The following ATP8A2 variants were observed in gnomAD, a reference collection of about 807,000 sequenced individuals.
The protein encoded by ATP8A2 is phospholipid-transporting ATPase IB.
A neutral mutation model predicts 165.6 loss-of-function variants in ATP8A2; 100 were observed. The observed-to-expected ratio is 0.60, with a 90% CI of 0.51 to 0.71. ATP8A2 has a LOEUF of 0.71. Ranked by LOEUF, ATP8A2 falls within the 30% of genes least tolerant of loss-of-function variation. The pLI is 0.00. For missense variants in ATP8A2, 1,227 were observed against 1,479.5 expected (o/e 0.83, Z 2.80); for synonymous variants, 543 against 548.8 (o/e 0.99, Z 0.15).
chr13:25,974,054 AT>A (rs888874267), intron 35 of ATP8A2, among the ~76,000 whole-genome samples: 2 of 152,138 alleles, frequency 1.3e-5, no homozygotes, highest in Non-Finnish European at 2.9e-5. Context: ...TTCCAGCTGC[AT>A]TTTTTTTCCT....
chr13:26,005,032 T>C (rs993621940), intron 35 of ATP8A2, among the ~76,000 whole-genome samples: 1 of 152,058 alleles, frequency 6.6e-6, no homozygotes, highest in African/African-American at 2.4e-5. Context: ...TCCACTTCAG[T>C]ATTTTGGAAA....
At chr13:25,465,707 CT>C (rs1191435557) in intron 1 of ATP8A2, among the ~76,000 whole-genome samples, 1 of 22,824 alleles carries the variant, frequency 4.4e-5, no homozygotes, top group African/African-American at 1.2e-4. Flanking sequence ...TTCTTTCTTT[CT>C]TTCTTTCTTT....
intron 36 of ATP8A2, among the ~76,000 whole-genome samples, chr13:26,012,863 A>T (rs571904349): frequency 6.6e-6 from 1 of 152,144 alleles, no homozygotes; most frequent in African/African-American, 2.4e-5. Context: ...TGGTGTGGTT[A>T]TGATCCTTCC....
intron 11 of ATP8A2, among the ~76,000 whole-genome samples, chr13:25,553,434 T>C (rs539925998): frequency 6.9e-4 from 105 of 152,242 alleles, no homozygotes; most frequent in Non-Finnish European, 1.4e-3. Flanking sequence ...AGGTGTTCCT[T>C]ACAACCATTT....
chr13:25,568,354 T>C (rs2039375719), intron 16 of ATP8A2, among the ~76,000 whole-genome samples: 1 of 152,234 alleles, frequency 6.6e-6, no homozygotes, highest in Non-Finnish European at 1.5e-5. Context: ...AAATCACTTA[T>C]ATACGTATAT....
chr13:25,810,549 C>G (rs1950843888), intron 27 of ATP8A2, among the ~76,000 whole-genome samples: 2 of 151,244 alleles, frequency 1.3e-5, no homozygotes, highest in Admixed American at 6.6e-5. Flanking sequence ...AAACACTACT[C>G]TATCTCCAAA....
chr13:25,512,766 G>A (rs1432840839), intron 2 of ATP8A2, among the ~76,000 whole-genome samples: 10 of 144,930 alleles, frequency 6.9e-5, no homozygotes, highest in Middle Eastern at 3.8e-3. Flanking sequence ...CGGATGGGGC[G>A]GCTGGCCAGG....
At chr13:25,630,478 C>G (rs2041214910) in intron 24 of ATP8A2, among the ~76,000 whole-genome samples, 1 of 152,120 alleles carries the variant, frequency 6.6e-6, no homozygotes, top group South Asian at 2.1e-4. Flanking sequence ...CCAGTGTGCC[C>G]CAGCCCTAAT....
At chr13:25,767,583 A>G (rs2044517450) in intron 25 of ATP8A2, among the ~76,000 whole-genome samples, 1 of 152,314 alleles carries the variant, frequency 6.6e-6, no homozygotes, top group Middle Eastern at 3.4e-3. Flanking sequence ...TTAGCCCCAA[A>G]TGACAGAGTT....
At chr13:25,491,840 T>A (rs770429965) in intron 2 of ATP8A2, among the ~76,000 whole-genome samples, 1 of 152,212 alleles carries the variant, frequency 6.6e-6, no homozygotes, top group Non-Finnish European at 1.5e-5. Context: ...TTAGTAGGTG[T>A]TTATACCTTT....
At chr13:25,700,221 G>C (rs1396352996) in intron 25 of ATP8A2, among the ~76,000 whole-genome samples, 2 of 152,112 alleles carry the variant, frequency 1.3e-5, no homozygotes, top group Non-Finnish European at 2.9e-5. Context: ...CACTGCTTCT[G>C]GGTTTTATGA....
intron 25 of ATP8A2, among the ~76,000 whole-genome samples, chr13:25,754,777 G>T (rs2044226683): frequency 1.3e-5 from 2 of 152,082 alleles, no homozygotes; most frequent in Admixed American, 6.5e-5. Context: ...TTATGATAGA[G>T]AATAATTATA....
At chr13:25,794,820 T>TACACACAC (rs3053488) in intron 27 of ATP8A2, among the ~76,000 whole-genome samples, 3,712 of 139,508 alleles carry the variant, frequency 0.027, 82 homozygotes, top group African/African-American at 0.053. Flanking sequence ...TTCCCTCTCC[T>TACACACAC]ACACACACAC....
chr13:25,896,840 A>C lies in ATP8A2; in HGVS notation c.3183+34432A>C, dbSNP rs367926545. ...GTTGGTTTAAAGTCTGTTTTATCAGAGACTAGGATTGCAACCCCTGCCTTT... is the reference window on the plus strand; with the variant it reads ...GTTGGTTTAAAGTCTGTTTTATCAGCGACTAGGATTGCAACCCCTGCCTTT... On this transcript the variant is annotated intron_variant, in intron 33 of 36. Transcript: ENST00000381655. Among the ~76,000 whole-genome samples the C allele has an allele frequency of 2.5e-4, 38 of 152,198 alleles. No homozygotes were observed. The East Asian group carries it at 4.2e-3, about 17-fold the overall frequency.
chr13:25,973,710 A>T (rs1364870756), intron 35 of ATP8A2, among the ~76,000 whole-genome samples: 1 of 152,204 alleles, frequency 6.6e-6, no homozygotes, highest in Non-Finnish European at 1.5e-5. Context: ...TAGTATCATC[A>T]CACCTCTAAG....
intron 25 of ATP8A2, among the ~76,000 whole-genome samples, chr13:25,717,441 A>G (rs928091996): frequency 1.3e-5 from 2 of 151,402 alleles, no homozygotes; most frequent in African/African-American, 2.4e-5. Context: ...AAAAAACACC[A>G]AGGTAGGCAC....
rs979924278 is a variant in ATP8A2 at position 25,656,964 on chromosome 13, A to G, written c.2212-42209A>G. Among the ~76,000 whole-genome samples the G allele has an allele frequency of 1.0e-3, 151 of 146,572 alleles. 1 individual carries two copies. Among genetic ancestry groups the G allele is most frequent in the Non-Finnish European group, 1.4e-3 (94 of 67,062 alleles). On this transcript the variant is annotated intron_variant, in intron 24 of 36. Coordinates refer to ENST00000381655, the MANE Select transcript of ATP8A2 (RefSeq NM_016529.6). ...GCTACTCCAGAGGCTGAGGAAGGACAATCGCTTGAACCCAGGAGATGAAGG... is the reference window on the plus strand; with the variant it reads ...GCTACTCCAGAGGCTGAGGAAGGACGATCGCTTGAACCCAGGAGATGAAGG...
chr13:25,462,664 G>A (rs909342386), intron 1 of ATP8A2, among the ~76,000 whole-genome samples: 3 of 152,222 alleles, frequency 2.0e-5, no homozygotes, highest in South Asian at 2.1e-4. Context: ...CCTTCCCAGA[G>A]GTTAGAAGGT....
intron 24 of ATP8A2, among the ~76,000 whole-genome samples, chr13:25,632,740 T>A (rs961727825): frequency 1.3e-5 from 2 of 151,964 alleles, no homozygotes; most frequent in Non-Finnish European, 2.9e-5. Context: ...CCCCTGGGAG[T>A]ACCTTTAATT....
Sources: gnomAD v4.1 joint callset for allele counts (sites outside exome capture counted in the v4.1 genomes callset) on GRCh38, gnomAD v4.1.1 for gene constraint, MANE v1.5 for transcripts, NCBI Gene and HGNC (gene_info 2026-07-23, HGNC 2026-07-21) for gene names.